GRIK3: variants seen among roughly 807,000 people sequenced by gnomAD.
GRIK3 encodes glutamate receptor ionotropic, kainate 3.
GRIK3 carries 29 observed loss-of-function variants against 102.5 expected under a neutral mutation model. The ratio of observed to expected loss-of-function variants is 0.28; its 90% CI spans 0.21 to 0.39. GRIK3 has a LOEUF of 0.39. Among genes scored for constraint, GRIK3 ranks in the 10% least tolerant of loss-of-function variants. GRIK3 has a pLI of 1.00. For missense variants in GRIK3, 908 were observed against 1,252.4 expected, an observed-to-expected ratio of 0.73 and a Z score of 4.15; for synonymous variants, 511 against 504.9, an observed-to-expected ratio of 1.01 and a Z score of -0.16.
In GRIK3 at chr1:36,918,883, C is replaced by CTCAT. The variant is rs1259933204; in HGVS notation, c.116-27791_116-27788dup. Among the ~76,000 whole-genome samples, 6 of 152,362 alleles carry CTCAT rather than the reference C, an allele frequency of 3.9e-5. No homozygotes were observed. The East Asian group carries it at 9.6e-4, about 24-fold the overall frequency. ...AGCCCTTCTCTCATTCATTCATTCA[C>CTCAT]TCATTCATTCATTCAATTACTATTC... On this transcript the variant is annotated intron_variant, in intron 1 of 15. Transcript: ENST00000373091.
intron 1 of GRIK3, among the ~76,000 whole-genome samples, chr1:36,971,359 G>A (rs1042061619): frequency 3.9e-5 from 6 of 152,224 alleles, no homozygotes; most frequent in Non-Finnish European, 8.8e-5. Context: ...AGAATTGAAT[G>A]AGGCTGCAGC....
rs1469830176 is a variant in GRIK3 at position 37,034,093 on chromosome 1, G to A, written c.16C>T (p.Arg6Trp). ...TCCCAAACCAGACTCCGGAGGCGCC[G>A]CCAGGGAGCGGTCATCGTTGGGCGC... The part of the protein sequence containing the change: MTAPW[R>W]RLRSLVWEYW... The change falls in exon 1 of 16, where the codon CGG (arginine) becomes TGG (tryptophan). Residue 6 changes from arginine to tryptophan, a missense_variant. Arg to Trp is a moderately radical substitution (Grantham distance 101). Transcript: ENST00000373091. The A allele has an allele frequency of 6.3e-7, 1 of 1,580,512 alleles. No homozygotes were observed. The highest frequency in any genetic ancestry group is 1.4e-5 in the African/African-American group (1 of 72,154).
At chr1:36,853,757 G>C in intron 7 of GRIK3, 35 bp from the exon 8 acceptor site, 2 of 1,168,840 alleles carry the variant, frequency 1.7e-6, no homozygotes, top group East Asian at 2.3e-5. Context: ...GCAATTCCTC[G>C]GGCTTATAAA....
At chr1:36,829,198 T>C (rs1465401601) in intron 10 of GRIK3, among the ~76,000 whole-genome samples, 1 of 152,206 alleles carries the variant, frequency 6.6e-6, no homozygotes, top group Non-Finnish European at 1.5e-5. Context: ...TTTGTCCAAC[T>C]TCCCTTGAAA....
At chr1:36,940,268 C>G (rs1557433108) in intron 1 of GRIK3, among the ~76,000 whole-genome samples, 1 of 152,220 alleles carries the variant, frequency 6.6e-6, no homozygotes, top group Non-Finnish European at 1.5e-5. Flanking sequence ...CGTCCTGTGG[C>G]CCTGGTAGCC....
At position 36,850,781 on chromosome 1, in the gene GRIK3, G is replaced by A. The variant is rs1426220784; in HGVS notation, c.1213-357C>T. The stretch of plus-strand genomic sequence containing the variant: ...CCAATCAGGGGCTGGAGGGAATCAG[G>A]GGTCTATGGTCAGTGCCAGGTCTTG... On this transcript the variant is annotated intron_variant, in intron 8 of 15. Coordinates refer to ENST00000373091, the MANE Select transcript of GRIK3 (RefSeq NM_000831.4). The surrounding 1 kb of genome is among the most constrained non-coding windows in gnomAD (Gnocchi z 4.0). Among the ~76,000 whole-genome samples the A allele has an allele frequency of 6.6e-6, 1 of 152,232 alleles. No individual in the cohort carries two copies. Among genetic ancestry groups the A allele is most frequent in the African/African-American group, 2.4e-5 (1 of 41,464 alleles).
intron 1 of GRIK3, among the ~76,000 whole-genome samples, chr1:37,030,773 C>G (rs919947633): frequency 1.3e-5 from 2 of 152,040 alleles, no homozygotes; most frequent in African/African-American, 4.8e-5. Context: ...ACCATGAAAC[C>G]TACAATGGCA....
chr1:36,883,391 G>A lies in GRIK3; in HGVS notation c.293-2500C>T, dbSNP rs1239996755. ...CACTGGCTCCATCCTGAACCATAAG[G>A]GGCCTTGCATTCTCTGTGGAAACCC... On this transcript the variant is annotated intron_variant, in intron 2 of 15. Transcript: ENST00000373091. Among the ~76,000 whole-genome samples the A allele has an allele frequency of 2.6e-5, 4 of 152,080 alleles. No individual in the cohort carries two copies. In the South Asian group the frequency reaches 8.3e-4, roughly 32 times the overall value.
chr1:36,894,918 C>T (rs1641156585), intron 1 of GRIK3, among the ~76,000 whole-genome samples: 1 of 152,200 alleles, frequency 6.6e-6, no homozygotes, highest in African/African-American at 2.4e-5. Flanking sequence ...GGTTTGTCCT[C>T]AGGGGAAACT....
chr1:36,906,423 G>A (rs547604582), intron 1 of GRIK3, among the ~76,000 whole-genome samples: 71 of 152,360 alleles, frequency 4.7e-4, no homozygotes, highest in Non-Finnish European at 8.5e-4. Flanking sequence ...TGGAGCTACT[G>A]CATGGCACAT....
chr1:36,832,622 C>G (rs1209551725), intron 10 of GRIK3, among the ~76,000 whole-genome samples: 3 of 152,196 alleles, frequency 2.0e-5, no homozygotes, highest in African/African-American at 7.2e-5. Context: ...AGCCTCACTG[C>G]CTAACAGTGA....
At chr1:36,873,024 C>T (rs1304355540) in intron 3 of GRIK3, among the ~76,000 whole-genome samples, 4 of 152,148 alleles carry the variant, frequency 2.6e-5, no homozygotes, top group Non-Finnish European at 5.9e-5. Flanking sequence ...TTAGTGCAAC[C>T]ACCTCCTCCA....
At chr1:36,973,420 T>C (rs1642164341) in intron 1 of GRIK3, among the ~76,000 whole-genome samples, 1 of 144,284 alleles carries the variant, frequency 6.9e-6, no homozygotes, top group South Asian at 2.2e-4. Flanking sequence ...TTTTTCCTTT[T>C]TTTTTTTTTT....
At chr1:36,970,381 G>T (rs751780348) in intron 1 of GRIK3, among the ~76,000 whole-genome samples, 11 of 152,082 alleles carry the variant, frequency 7.2e-5, no homozygotes, top group Non-Finnish European at 1.5e-4. Flanking sequence ...TCGGAGGTCC[G>T]CATATACTGA....
At chr1:36,988,782 A>G (rs989516246) in intron 1 of GRIK3, among the ~76,000 whole-genome samples, 1 of 152,210 alleles carries the variant, frequency 6.6e-6, no homozygotes, top group African/African-American at 2.4e-5. Context: ...TCACTATGTC[A>G]CAGATGGCAA....
At chr1:36,844,492 C>G (rs1036865700) in intron 9 of GRIK3, among the ~76,000 whole-genome samples, 12 of 152,220 alleles carry the variant, frequency 7.9e-5, no homozygotes, top group Admixed American at 4.6e-4. Context: ...TTGGTTGATG[C>G]TCTTGTGCAA....
At chr1:36,954,401 A>G (rs183999908) in intron 1 of GRIK3, among the ~76,000 whole-genome samples, 1 of 152,352 alleles carries the variant, frequency 6.6e-6, no homozygotes, top group Admixed American at 6.5e-5. Flanking sequence ...AGGAAGCCAC[A>G]TGCCAATCAG....
chr1:36,883,438 G>C (rs535709302), intron 2 of GRIK3, among the ~76,000 whole-genome samples: 1 of 152,084 alleles, frequency 6.6e-6, no homozygotes, highest in South Asian at 2.1e-4. Context: ...TCCAAACACT[G>C]TCTACACCCA....
rs889444519 is a variant in GRIK3 at position 36,880,961 on chromosome 1, G to T, written c.293-70C>A. On this transcript the variant is annotated intron_variant, in intron 2 of 15. Coordinates refer to ENST00000373091, the MANE Select transcript of GRIK3 (RefSeq NM_000831.4). The surrounding 1 kb of genome is among the most constrained non-coding windows in gnomAD (Gnocchi z 5.4). ...TGGGTATGGGGACAGTGATGCTGAT[G>T]ATCCTGTAAACATGTGGGAAAAACA... is the stretch of plus-strand genomic sequence containing the variant. 27 of 1,482,084 alleles carry T rather than the reference G, an allele frequency of 1.8e-5. No homozygotes were observed. The African/African-American group carries it at 3.3e-4, about 18-fold the overall frequency. 91.8% of individuals were successfully genotyped at this position (1,482,084 alleles called of 1,614,324 possible).
Sources: gnomAD v4.1 joint callset for allele counts (sites outside exome capture counted in the v4.1 genomes callset) on GRCh38, gnomAD v4.1.1 for gene constraint, Gnocchi (gnomAD v3.1) non-coding constraint, MANE v1.5 for transcripts, NCBI Gene and HGNC (gene_info 2026-07-23, HGNC 2026-07-21) for gene names.